ZFHX3: variants seen among roughly 807,000 people sequenced by gnomAD.
The protein encoded by ZFHX3 is zinc finger homeobox 3.
ZFHX3 carries 42 observed loss-of-function variants against 279.1 expected under a neutral mutation model. The observed-to-expected ratio is 0.15, with a 90% CI of 0.12 to 0.19. The LOEUF (loss-of-function observed/expected upper bound fraction) is 0.19. Ranked by LOEUF, ZFHX3 falls within the 10% of genes least tolerant of loss-of-function variation. The probability of loss-of-function intolerance (pLI) is 1.00; values close to 1 mark genes in which losing one functional copy is unlikely to be tolerated. For synonymous variants in ZFHX3, 2,293 were observed against 1,957.8 expected, an observed-to-expected ratio of 1.17 and a Z score of -4.52; for missense variants, 4,981 against 4,754.0, an observed-to-expected ratio of 1.05 and a Z score of -1.40.
chr16:73,728,825 A>G (rs1035012070), intron 1 of ZFHX3, among the ~76,000 whole-genome samples: 3 of 151,212 alleles, frequency 2.0e-5, no homozygotes, highest in African/African-American at 7.3e-5. Context: ...ACACACACAC[A>G]CACACACACA....
Position 73,143,202 on chromosome 16 carries a change from G to A in ZFHX3, c.-1024+550C>T, listed in dbSNP as rs561291815. 2.4e-3 allele frequency among the ~76,000 whole-genome samples: 371 copies of A among 152,094 alleles called. 2 individuals carry two copies. Among genetic ancestry groups the A allele is most frequent in the African/African-American group, 8.3e-3 (345 of 41,474 alleles). On this transcript the variant is annotated intron_variant, in intron 6 of 17. Coordinates refer to the ZFHX3 transcript ENST00000641206. Reference sequence around the variant, plus strand: ...CTGGTTGGACGGATCCCTTGACGGAGGTTAGAAATAGCTCTCATAGCCTAT... The same window carrying A: ...CTGGTTGGACGGATCCCTTGACGGAAGTTAGAAATAGCTCTCATAGCCTAT...
intron 3 of ZFHX3, among the ~76,000 whole-genome samples, chr16:73,330,439 G>T (rs1398757495): frequency 1.3e-5 from 2 of 152,166 alleles, no homozygotes; most frequent in African/African-American, 4.8e-5. Context: ...CAAAGTGAAG[G>T]CAACAATTCA....
At chr16:73,416,730 C>A (rs76898062) in intron 3 of ZFHX3, among the ~76,000 whole-genome samples, 1 of 150,238 alleles carries the variant, frequency 6.7e-6, no homozygotes, top group Non-Finnish European at 1.5e-5. Flanking sequence ...AAAAATTAGC[C>A]GGGTGCGGTG....
At chr16:73,730,380 A>AAAAG (rs1306648811) in intron 1 of ZFHX3, among the ~76,000 whole-genome samples, 2 of 120,344 alleles carry the variant, frequency 1.7e-5, no homozygotes, top group African/African-American at 3.0e-5. Context: ...AAAAAAGAAA[A>AAAAG]AGAGAGAGAA....
At chr16:73,219,553 C>T (rs1339144856) in intron 5 of ZFHX3, among the ~76,000 whole-genome samples, 1 of 152,220 alleles carries the variant, frequency 6.6e-6, no homozygotes, top group African/African-American at 2.4e-5. Context: ...AGTCAAAGCC[C>T]TGTTGCATCT....
chr16:73,834,739 A>G (rs1392899843), intron 1 of ZFHX3, among the ~76,000 whole-genome samples: 1 of 152,114 alleles, frequency 6.6e-6, no homozygotes, highest in Non-Finnish European at 1.5e-5. Flanking sequence ...AAAAATACAA[A>G]ATTTAGCTGG....
chr16:73,299,499 G>A (rs1332192178), intron 4 of ZFHX3, among the ~76,000 whole-genome samples: 2 of 152,170 alleles, frequency 1.3e-5, no homozygotes, highest in Non-Finnish European at 1.5e-5. Context: ...CGCTGCCACC[G>A]CTGATTCTGT....
chr16:73,017,961 G>C (rs1384160600), intron 1 of ZFHX3, among the ~76,000 whole-genome samples: 1 of 151,636 alleles, frequency 6.6e-6, no homozygotes, highest in Non-Finnish European at 1.5e-5. Context: ...TTTCGATGAA[G>C]TGGGACCTAT....
At chr16:73,427,258 A>G (rs1978489) in intron 3 of ZFHX3, among the ~76,000 whole-genome samples, 106,724 of 152,036 alleles carry the variant, frequency 0.7, 38,068 homozygotes, top group African/African-American at 0.84. Context: ...GTGTCTACCT[A>G]TCATTTGTGA....
chr16:73,724,894 G>A (rs765127446), intron 1 of ZFHX3, among the ~76,000 whole-genome samples: 17 of 152,136 alleles, frequency 1.1e-4, no homozygotes, highest in Non-Finnish European at 1.8e-4. Flanking sequence ...CCCCCTTGGG[G>A]GATGCCTCAT....
chr16:73,687,247 C>T (rs2053098338), intron 1 of ZFHX3, among the ~76,000 whole-genome samples: 2 of 149,958 alleles, frequency 1.3e-5, no homozygotes, highest in Non-Finnish European at 3.0e-5. Context: ...CAAAAATTAG[C>T]TGTGAATGGT....
intron 2 of ZFHX3, among the ~76,000 whole-genome samples, chr16:73,525,521 C>A (rs541160260): frequency 6.6e-6 from 1 of 152,256 alleles, no homozygotes; most frequent in African/African-American, 2.4e-5. Flanking sequence ...AGAAGGGGTG[C>A]ACAAACTCCG....
chr16:73,473,370 A>AAC (rs2018709504), intron 2 of ZFHX3, among the ~76,000 whole-genome samples: 1 of 150,916 alleles, frequency 6.6e-6, no homozygotes, highest in African/African-American at 2.5e-5. Flanking sequence ...AAAAAAAAAA[A>AAC]AACAAAATAA....
At chr16:73,374,992 T>C (rs532722726) in intron 3 of ZFHX3, among the ~76,000 whole-genome samples, 140 of 152,356 alleles carry the variant, frequency 9.2e-4, no homozygotes, top group African/African-American at 3.2e-3. Flanking sequence ...TAGTTATTTA[T>C]AATAATTGCT....
chr16:73,182,895 G>A (rs185575113), intron 5 of ZFHX3, among the ~76,000 whole-genome samples: 4 of 150,886 alleles, frequency 2.7e-5, no homozygotes, highest in Non-Finnish European at 5.9e-5. Context: ...AAGGCGGGAG[G>A]GGGGAGGGGT....
At chr16:73,865,448 G>A (rs1358605271) in intron 1 of ZFHX3, among the ~76,000 whole-genome samples, 1 of 152,146 alleles carries the variant, frequency 6.6e-6, no homozygotes, top group Non-Finnish European at 1.5e-5. Context: ...CACGCCATGT[G>A]TTCATTGGGG....
intron 3 of ZFHX3, among the ~76,000 whole-genome samples, chr16:72,931,184 C>A (rs1337143538): frequency 6.6e-6 from 1 of 152,156 alleles, no homozygotes; most frequent in Admixed American, 6.5e-5. Flanking sequence ...CTCTGTTTTT[C>A]AAGTATACTT....
chr16:73,486,562 G>A (rs562401592), intron 2 of ZFHX3, among the ~76,000 whole-genome samples: 2 of 152,282 alleles, frequency 1.3e-5, no homozygotes, highest in Admixed American at 6.5e-5. Context: ...TTCTGCCTTC[G>A]AGGAATACCT....
chr16:73,016,935 G>T (rs1964121378), intron 1 of ZFHX3, among the ~76,000 whole-genome samples: 1 of 149,408 alleles, frequency 6.7e-6, no homozygotes, highest in South Asian at 2.1e-4. Context: ...AAAAAAAAAA[G>T]ACTAAGGGGG....
Sources: allele counts gnomAD v4.1 joint callset (sites outside exome capture counted in the v4.1 genomes callset), GRCh38; gene constraint gnomAD v4.1.1; transcripts MANE v1.5; gene names NCBI Gene and HGNC (gene_info 2026-07-23, HGNC 2026-07-21).